FAM83B: variants seen among roughly 807,000 people sequenced by gnomAD.
FAM83B encodes the protein protein FAM83B.
FAM83B carries 26 observed loss-of-function variants against 38.8 expected under a neutral mutation model. That is an observed-to-expected ratio of 0.67 (90% CI 0.49 to 0.93). The LOEUF (loss-of-function observed/expected upper bound fraction) is 0.93, where lower values mean the gene tolerates loss of function less well. FAM83B is among the 40% of genes least tolerant of loss of function. The probability of loss-of-function intolerance (pLI) is 0.00; values close to 1 mark genes in which losing one functional copy is unlikely to be tolerated. For synonymous variants in FAM83B, 419 were observed against 423.1 expected, an observed-to-expected ratio of 0.99 and a Z score of 0.12; for missense variants, 1,237 against 1,197.3, an observed-to-expected ratio of 1.03 and a Z score of -0.49.
Position 54,891,156 on chromosome 6 carries a change from A to G in FAM83B, c.444+20466A>G, listed in dbSNP as rs527946672. Among the ~76,000 whole-genome samples the G allele has an allele frequency of 3.9e-5, 6 of 152,180 alleles. No homozygotes were observed. In the South Asian group the frequency reaches 1.0e-3, roughly 26 times the overall value. ...TAACCATTAAACATTTGAAAGAAGTAGTTTCCATAAAGGGCTCTACTTCCT... is the reference window on the plus strand; with the variant it reads ...TAACCATTAAACATTTGAAAGAAGTGGTTTCCATAAAGGGCTCTACTTCCT... On this transcript the variant is annotated intron_variant, in intron 2 of 4. Coordinates refer to ENST00000306858, the MANE Select transcript of FAM83B (RefSeq NM_001010872.3).
At chr6:54,892,705 G>C (rs1267413163) in intron 2 of FAM83B, among the ~76,000 whole-genome samples, 1 of 148,280 alleles carries the variant, frequency 6.7e-6, no homozygotes, top group Non-Finnish European at 1.5e-5. Flanking sequence ...TATATATATT[G>C]TATATATTGT....
chr6:54,905,466 A>C (rs540753710), intron 2 of FAM83B, among the ~76,000 whole-genome samples: 1 of 152,328 alleles, frequency 6.6e-6, no homozygotes, highest in South Asian at 2.1e-4. Context: ...TAATTAACAT[A>C]TCTTTCACCT....
At chr6:54,925,220 T>G (rs1045651198) in intron 2 of FAM83B, among the ~76,000 whole-genome samples, 12 of 152,100 alleles carry the variant, frequency 7.9e-5, no homozygotes, top group Non-Finnish European at 1.5e-5. Flanking sequence ...ACCCCCAAAC[T>G]CCTCCTGAAT....
intron 1 of FAM83B, among the ~76,000 whole-genome samples, chr6:54,860,573 A>G (rs374646830): frequency 6.6e-6 from 1 of 152,240 alleles, no homozygotes; most frequent in African/African-American, 2.4e-5. Context: ...TGATACTGAC[A>G]TATGTATCAA....
chr6:54,928,369 A>G (rs1048561473), intron 4 of FAM83B, among the ~76,000 whole-genome samples: 1 of 152,196 alleles, frequency 6.6e-6, no homozygotes, highest in African/African-American at 2.4e-5. Context: ...TATCACATTG[A>G]AATGGTGGCC....
At chr6:54,886,756 A>G (rs953790158) in intron 2 of FAM83B, among the ~76,000 whole-genome samples, 8 of 148,920 alleles carry the variant, frequency 5.4e-5, no homozygotes, top group Non-Finnish European at 9.0e-5. Flanking sequence ...TCTTTTTTCT[A>G]TTTTACGTTG....
intron 2 of FAM83B, among the ~76,000 whole-genome samples, chr6:54,924,592 C>T (rs1380619552): frequency 6.6e-6 from 1 of 151,770 alleles, no homozygotes; most frequent in East Asian, 1.9e-4. Flanking sequence ...GTTCAGTATT[C>T]CACCTGCCCT....
intron 4 of FAM83B, among the ~76,000 whole-genome samples, chr6:54,938,564 C>T (rs916284464): frequency 5.9e-5 from 9 of 152,098 alleles, no homozygotes; most frequent in African/African-American, 2.2e-4. Context: ...GCCATACTTG[C>T]TGGAGTAAAG....
At chr6:54,925,984 G>A (rs1423712770) in intron 2 of FAM83B, among the ~76,000 whole-genome samples, 1 of 151,586 alleles carries the variant, frequency 6.6e-6, no homozygotes, top group Non-Finnish European at 1.5e-5. Context: ...TTAATGACTG[G>A]TTCAAAAAAA....
intron 2 of FAM83B, among the ~76,000 whole-genome samples, chr6:54,920,770 G>T (rs981373993): frequency 3.3e-5 from 5 of 151,674 alleles, no homozygotes; most frequent in Admixed American, 6.6e-5. Context: ...CATACAGAAG[G>T]CTTCACAATC....
intron 4 of FAM83B, among the ~76,000 whole-genome samples, chr6:54,938,775 G>C (rs1463116367): frequency 6.6e-6 from 1 of 152,034 alleles, no homozygotes; most frequent in African/African-American, 2.4e-5. Flanking sequence ...TCCTTTGTTG[G>C]ATGCATAGTT....
rs1310638925 is a variant in FAM83B at position 54,941,573 on chromosome 6, C to T, written c.2602C>T (p.Pro868Ser). Reference sequence around the variant, plus strand: ...TCCACCAGATGAAAATAAAAGAACACCTTCTCCAGGTCCAGTTGAAAGCAA... The same window carrying T: ...TCCACCAGATGAAAATAAAAGAACATCTTCTCCAGGTCCAGTTGAAAGCAA... Reference protein sequence around the residue: ...NAPPDENKRTPSPGPVESKFL... With the variant: ...NAPPDENKRTSSPGPVESKFL... Residue 868 changes from proline (P) to serine (S), a missense_variant, in exon 5 of 5, where the codon CCT (proline) becomes TCT (serine). Pro to Ser is a moderately conservative substitution (Grantham distance 74). Coordinates refer to ENST00000306858, the MANE Select transcript of FAM83B (RefSeq NM_001010872.3). 6.2e-7 allele frequency: 1 copy of T among 1,614,042 alleles called. No homozygotes were observed. Among genetic ancestry groups the T allele is most frequent in the Non-Finnish European group, 8.5e-7 (1 of 1,179,996 alleles).
chr6:54,878,674 A>G (rs1480525697), intron 2 of FAM83B, among the ~76,000 whole-genome samples: 1 of 152,178 alleles, frequency 6.6e-6, no homozygotes, highest in African/African-American at 2.4e-5. Context: ...TGGAGGCTAG[A>G]TCTTGGGGAT....
intron 2 of FAM83B, among the ~76,000 whole-genome samples, chr6:54,897,549 A>C (rs1772568447): frequency 6.6e-6 from 1 of 152,196 alleles, no homozygotes; most frequent in Non-Finnish European, 1.5e-5. Context: ...GGAAAAAAGC[A>C]AAACAACGTA....
chr6:54,929,982 T>C (rs1248433678), intron 4 of FAM83B, among the ~76,000 whole-genome samples: 1 of 152,166 alleles, frequency 6.6e-6, no homozygotes, highest in Non-Finnish European at 1.5e-5. Context: ...TTGGTTCTTC[T>C]GATATTTATT....
chr6:54,868,789 A>G (rs552330418), intron 1 of FAM83B, among the ~76,000 whole-genome samples: 91 of 152,278 alleles, frequency 6.0e-4, no homozygotes, highest in African/African-American at 2.1e-3. Context: ...ACAGAAAAGA[A>G]CATGTTCTAT....
chr6:54,856,401 A>G (rs761999138), intron 1 of FAM83B, among the ~76,000 whole-genome samples: 11 of 152,182 alleles, frequency 7.2e-5, no homozygotes, highest in East Asian at 1.9e-4. Context: ...GCAGAGTTCT[A>G]TAAACATCAG....
At chr6:54,931,822 GACTT>G (rs989436136) in intron 4 of FAM83B, among the ~76,000 whole-genome samples, 1 of 151,684 alleles carries the variant, frequency 6.6e-6, no homozygotes, top group Non-Finnish European at 1.5e-5. Flanking sequence ...GATGGAGAAG[GACTT>G]ACTATTGTCA....
chr6:54,911,387 G>T (rs2127584631), intron 2 of FAM83B, among the ~76,000 whole-genome samples: 1 of 151,974 alleles, frequency 6.6e-6, no homozygotes, highest in Middle Eastern at 3.4e-3. Context: ...TGGATAATTA[G>T]TGATAAGATT....
Sources: gnomAD v4.1 joint callset for allele counts (sites outside exome capture counted in the v4.1 genomes callset) on GRCh38, gnomAD v4.1.1 for gene constraint, MANE v1.5 for transcripts, NCBI Gene and HGNC (gene_info 2026-07-23, HGNC 2026-07-21) for gene names.